CNGB1: variants seen among roughly 807,000 people sequenced by gnomAD.
CNGB1 encodes cyclic nucleotide gated channel subunit beta 1.
A neutral mutation model predicts 151.7 loss-of-function variants in CNGB1; 126 were observed. That is an observed-to-expected ratio of 0.83 (90% CI 0.72 to 0.96). The LOEUF (loss-of-function observed/expected upper bound fraction) is 0.96, where lower values mean the gene tolerates loss of function less well. CNGB1 is among the 40% of genes least tolerant of loss of function. The pLI is 0.00. For synonymous variants in CNGB1, 623 were observed against 635.1 expected (o/e 0.98, Z 0.29); for missense variants, 1,698 against 1,627.0 (o/e 1.04, Z -0.75).
chr16:57,885,616 C>T (rs1032163157), intron 32 of CNGB1, among the ~76,000 whole-genome samples: 9 of 129,614 alleles, frequency 6.9e-5, no homozygotes, highest in East Asian at 2.4e-4. Context: ...CTTTCTTAGA[C>T]GGAGTCTTGC....
At chr16:57,906,318 T>C (rs1960550014) in intron 25 of CNGB1, among the ~76,000 whole-genome samples, 1 of 152,114 alleles carries the variant, frequency 6.6e-6, no homozygotes, top group Non-Finnish European at 1.5e-5. Flanking sequence ...GCCTGGCACG[T>C]GGTGGACTCT....
Position 57,964,218 on chromosome 16 carries a change from T to G in CNGB1, c.218-16A>C. ...TCCTTGGTCTCTGGAAAAGAATCTC[T>G]CATCCTTCAGATCTAGGGCCTCAGA... On this transcript the variant is annotated splice_polypyrimidine_tract_variant and intron_variant, in intron 3 of 32. Coordinates refer to ENST00000251102, the MANE Select transcript of CNGB1 (RefSeq NM_001297.5). The G allele has an allele frequency of 1.9e-6, 3 of 1,613,196 alleles. No homozygotes were observed. The highest frequency in any genetic ancestry group is 2.5e-6 in the Non-Finnish European group (3 of 1,179,182).
At chr16:57,886,208 C>T (rs1959925767) in intron 32 of CNGB1, among the ~76,000 whole-genome samples, 1 of 152,154 alleles carries the variant, frequency 6.6e-6, no homozygotes, top group African/African-American at 2.4e-5. Context: ...GCTCCCTGTA[C>T]TCTGCCATTC....
At chr16:57,884,482 T>A (rs1445548131) in intron 32 of CNGB1, 25 bp from the exon 33 acceptor site, 1 of 1,612,782 alleles carries the variant, frequency 6.2e-7, no homozygotes, top group African/African-American at 1.3e-5. Context: ...GGGTGACTCG[T>A]GAGGCACAGA....
At chr16:57,954,293 G>A (rs1485191579) in intron 12 of CNGB1, among the ~76,000 whole-genome samples, 1 of 152,132 alleles carries the variant, frequency 6.6e-6, no homozygotes, top group African/African-American at 2.4e-5. Context: ...GCCCAGCCAG[G>A]GTGATGATGT....
chr16:57,968,008 A>G (rs1962443861), intron 1 of CNGB1, among the ~76,000 whole-genome samples: 1 of 152,170 alleles, frequency 6.6e-6, no homozygotes, highest in Non-Finnish European at 1.5e-5. Context: ...ACTATACCCA[A>G]TAATAGAATA....
rs1961097330 is a variant in CNGB1, at chr16:57,923,289, T to C, written c.1627A>G (p.Thr543Ala). ...SPVVAWSDPT[T>A]PKDTDGQDRA... Reference sequence around the variant, plus strand: ...GGGTCTCACTCAGTGTCCTTCGGGGTGGTGGGGTCAGACCAGGCAACCACT... The same window carrying C: ...GGGTCTCACTCAGTGTCCTTCGGGGCGGTGGGGTCAGACCAGGCAACCACT... Residue 543 changes from threonine (T) to alanine (A), a missense_variant, in exon 18 of 33, where the codon ACC becomes GCC. Physicochemically the swap from Thr to Ala is moderately conservative, Grantham distance 58 (BLOSUM62 0). Coordinates refer to ENST00000251102, the MANE Select transcript of CNGB1 (RefSeq NM_001297.5). The C allele has an allele frequency of 6.5e-7, 1 of 1,548,098 alleles. No individual in the cohort carries two copies. Among genetic ancestry groups the C allele is most frequent in the Non-Finnish European group, 8.7e-7 (1 of 1,144,092 alleles).
At chr16:57,908,088 C>A (rs414668) in intron 25 of CNGB1, among the ~76,000 whole-genome samples, 4 of 151,968 alleles carry the variant, frequency 2.6e-5, no homozygotes, top group South Asian at 4.1e-4. Context: ...AGGGGGTCTC[C>A]CCATATTGCC....
chr16:57,906,882 A>T (rs1960565636), intron 25 of CNGB1, among the ~76,000 whole-genome samples: 1 of 151,900 alleles, frequency 6.6e-6, no homozygotes, highest in Non-Finnish European at 1.5e-5. Flanking sequence ...GTGCTTCAGG[A>T]TGGGCAGAAC....
chr16:57,938,183 A>G (rs1961564107), intron 16 of CNGB1, among the ~76,000 whole-genome samples: 1 of 152,106 alleles, frequency 6.6e-6, no homozygotes, highest in South Asian at 2.1e-4. Context: ...CTTCCAAATC[A>G]CCTGGGAAGG....
intron 20 of CNGB1, 104 bp from the exon 21 acceptor site, chr16:57,917,580 T>A: frequency 9.9e-7 from 1 of 1,012,704 alleles, no homozygotes; most frequent in Non-Finnish European, 1.6e-6. Flanking sequence ...AACTACTACA[T>A]GTGGCACTTT....
intron 14 of CNGB1, among the ~76,000 whole-genome samples, chr16:57,941,524 A>G (rs1382798208): frequency 6.6e-6 from 1 of 152,240 alleles, no homozygotes; most frequent in Non-Finnish European, 1.5e-5. Flanking sequence ...GGCAGTCTGC[A>G]TGAAAAGTCT....
chr16:57,958,310 T>C, intron 11 of CNGB1, 100 bp downstream of exon 11: 4 of 645,640 alleles, frequency 6.2e-6, no homozygotes, highest in Non-Finnish European at 9.3e-6. Flanking sequence ...CTGGGGGAGC[T>C]GGGCTTCTGC....
At position 57,897,502 on chromosome 16, in the gene CNGB1, A is replaced by ACGTTGG. The variant is rs1960264970; in HGVS notation, c.3131_3136dup (p.Ala1044_Asn1045dup). 1 of 1,614,006 alleles carries ACGTTGG rather than the reference A, an allele frequency of 6.2e-7. No individual in the cohort carries two copies. The highest frequency in any genetic ancestry group is 1.3e-5 in the African/African-American group (1 of 74,936). Reference sequence around the variant, plus strand: ...GAGGTTGGTAAACCCGTGCGCCACCACGTTGGCCGTGCGCCGGTTCCCGCC... The same window carrying ACGTTGG: ...GAGGTTGGTAAACCCGTGCGCCACCACGTTGGCGTTGGCCGTGCGCCGGTTCCCGCC... On this transcript the variant is annotated inframe_insertion, in exon 31 of 33. Coordinates refer to ENST00000251102, the MANE Select transcript of CNGB1 (RefSeq NM_001297.5).
chr16:57,927,074 C>T (rs1328061535), intron 17 of CNGB1, among the ~76,000 whole-genome samples: 2 of 152,358 alleles, frequency 1.3e-5, no homozygotes, highest in African/African-American at 4.8e-5. Context: ...CTGGCAGCTT[C>T]TGGTCCCCCA....
chr16:57,960,065 G>T lies in CNGB1; in HGVS notation c.584C>A (p.Ala195Glu). The T allele has an allele frequency of 6.5e-7, 1 of 1,549,712 alleles. No individual in the cohort carries two copies. Among genetic ancestry groups the T allele is most frequent in the South Asian group, 1.2e-5 (1 of 84,846 alleles). ...AVATGAASDPAPPGRPQEMGP... is the reference protein window; with the variant it reads ...AVATGAASDPEPPGRPQEMGP... ...CATTTCCTGGGGGCGTCCTGGAGGC[G>T]CTAAGCAGCGGGGAAAGCAGGAGCT... Residue 195 changes from alanine to glutamate, a missense_variant and splice_region_variant, in exon 10 of 33, where the codon GCG becomes GAG. Physicochemically the swap from Ala to Glu is moderately radical, Grantham distance 107. Transcript: ENST00000251102.
intron 18 of CNGB1, among the ~76,000 whole-genome samples, chr16:57,921,217 C>CTT (rs1185678390): frequency 0.021 from 1,907 of 89,880 alleles, 44 homozygotes; most frequent in African/African-American, 0.039. Context: ...AAATGAGGCT[C>CTT]TTTTTTTTTT....
At chr16:57,918,333 T>C (rs997926745) in intron 20 of CNGB1, among the ~76,000 whole-genome samples, 2 of 152,030 alleles carry the variant, frequency 1.3e-5, no homozygotes, top group African/African-American at 4.8e-5. Flanking sequence ...CCCCCAAATG[T>C]GTGACCTTGA....
intron 8 of CNGB1, 105 bp from the exon 9 acceptor site, chr16:57,960,635 AT>A: frequency 6.8e-7 from 1 of 1,460,728 alleles, no homozygotes; most frequent in Non-Finnish European, 9.4e-7. Flanking sequence ...TGAGCCGGGG[AT>A]GGGGGTGGGG....
Sources: gnomAD v4.1 joint callset for allele counts (sites outside exome capture counted in the v4.1 genomes callset) on GRCh38, gnomAD v4.1.1 for gene constraint, MANE v1.5 for transcripts, NCBI Gene and HGNC (gene_info 2026-07-23, HGNC 2026-07-21) for gene names.